Variants in WASHC2C observed in about 807,000 individuals in gnomAD.
WASHC2C encodes WASH complex subunit 2C, also known as Vaccinia Penetration Factor.
In WASHC2C, 73 loss-of-function variants were observed where a neutral mutation model predicts 142.2. That is an observed-to-expected ratio of 0.51 (90% confidence interval 0.43 to 0.62). WASHC2C has a LOEUF of 0.62. Ranked by LOEUF, WASHC2C falls within the 20% of genes least tolerant of loss-of-function variation. The probability of loss-of-function intolerance (pLI) is 0.00; values close to 1 mark genes in which losing one functional copy is unlikely to be tolerated. For synonymous variants in WASHC2C, 337 were observed against 565.5 expected (o/e 0.60, Z 5.73); for missense variants, 969 against 1,531.7 (o/e 0.63, Z 6.13).
intron 3 of WASHC2C, among the ~76,000 whole-genome samples, chr10:45,729,856 T>C (rs1303607607): frequency 6.6e-6 from 1 of 151,874 alleles, no homozygotes; most frequent in Non-Finnish European, 1.5e-5. Context: ...GCCCAAGATT[T>C]AGAATAGTTA....
At chr10:45,784,071 A>G (rs1350190305) in intron 23 of WASHC2C, among the ~76,000 whole-genome samples, 2 of 151,788 alleles carry the variant, frequency 1.3e-5, no homozygotes, top group Non-Finnish European at 2.9e-5. Context: ...TCCCTTTGGA[A>G]ATGAGATGAA....
Position 45,792,339 on chromosome 10 carries a change from G to C in WASHC2C, c.3965G>C (p.Arg1322Thr). Residue 1322 changes from arginine (R) to threonine (T), a missense_variant, in exon 31 of 31, where the codon AGA becomes ACA. Physicochemically the swap from Arg to Thr is moderately conservative, Grantham distance 71 (BLOSUM62 -1). Transcript: ENST00000623400. Reference sequence around the variant, plus strand: ...TCTGCACAGGCCGCACCTGAACCAAGATTTGAACACAAGGTGTCCAACATC... The same window carrying C: ...TCTGCACAGGCCGCACCTGAACCAACATTTGAACACAAGGTGTCCAACATC... ...SRSAQAAPEPRFEHKVSNIFD... is the reference protein window; with the variant it reads ...SRSAQAAPEPTFEHKVSNIFD... 1 of 1,565,448 alleles carries C rather than the reference G, an allele frequency of 6.4e-7. No individual in the cohort carries two copies. The highest frequency in any genetic ancestry group is 2.2e-5 in the East Asian group (1 of 44,704).
intron 8 of WASHC2C, among the ~76,000 whole-genome samples, chr10:45,748,915 C>T (rs1390427055): frequency 6.6e-6 from 1 of 152,154 alleles, no homozygotes; most frequent in African/African-American, 2.4e-5. Context: ...AAGTCTGTTT[C>T]TTTGCTTTTA....
At chr10:45,732,839 CAGAT>C (rs1382936794) in intron 3 of WASHC2C, among the ~76,000 whole-genome samples, 4 of 152,252 alleles carry the variant, frequency 2.6e-5, no homozygotes, top group Non-Finnish European at 5.9e-5. Flanking sequence ...ATTGAAGAAA[CAGAT>C]GGAGTTGCTG....
chr10:45,727,353 G>T, intron 1 of WASHC2C, 33 bp downstream of exon 1: 1 of 1,600,192 alleles, frequency 6.2e-7, no homozygotes. Flanking sequence ...GGGCCGGCCT[G>T]GGCTGGGGCC....
rs2051822183 is a variant in WASHC2C at position 45,740,123 on chromosome 10, G to C, written c.405G>C (p.Glu135Asp). The C allele has an allele frequency of 1.7e-6, 1 of 588,300 alleles. No homozygotes were observed. Among genetic ancestry groups the C allele is most frequent in the Non-Finnish European group, 2.9e-6 (1 of 350,520 alleles). The allele number at this position is 588,300 out of a possible 1,614,324, so 36.4% of individuals were successfully genotyped here. The change falls in exon 5 of 31, where the codon GAG becomes GAC. Residue 135 changes from glutamate (E) to aspartate (D), a missense_variant. Glu to Asp is a conservative substitution (Grantham distance 45). Transcript: ENST00000623400. ...KEVDLIPKVQ[E>D]AVNYGLQVLD... is the part of the protein sequence containing the mutation. Reference sequence around the variant, plus strand: ...TAGATCTCATTCCTAAAGTCCAGGAGGCTGTGAACTATGGCTTACAAGTAT... The same window carrying C: ...TAGATCTCATTCCTAAAGTCCAGGACGCTGTGAACTATGGCTTACAAGTAT...
chr10:45,749,857 T>TATATATATTTATATTTA (rs2053367253), intron 8 of WASHC2C, among the ~76,000 whole-genome samples: 3 of 88,810 alleles, frequency 3.4e-5, no homozygotes, highest in Non-Finnish European at 6.9e-5. Context: ...ATATATATAT[T>TATATATATTTATATTTA]TATATATATA....
chr10:45,762,093 A>C (rs1387928586), intron 17 of WASHC2C, among the ~76,000 whole-genome samples: 1 of 150,562 alleles, frequency 6.6e-6, no homozygotes, highest in East Asian at 1.9e-4. Context: ...ATTGAAGTTT[A>C]TCTTCCCAAG....
intron 3 of WASHC2C, among the ~76,000 whole-genome samples, chr10:45,735,889 C>T (rs547015302): frequency 1.1e-4 from 16 of 152,232 alleles, no homozygotes; most frequent in African/African-American, 3.9e-4. Flanking sequence ...TGCATAGAAT[C>T]TGGGAATGAC....
At chr10:45,742,776 T>C (rs1160071155) in intron 5 of WASHC2C, among the ~76,000 whole-genome samples, 10 of 152,030 alleles carry the variant, frequency 6.6e-5, no homozygotes, top group African/African-American at 9.7e-5. Flanking sequence ...TTGCTGCTGA[T>C]AGACTTTTGG....
intron 5 of WASHC2C, among the ~76,000 whole-genome samples, chr10:45,743,015 C>T (rs1554869041): frequency 1.3e-5 from 2 of 151,614 alleles, no homozygotes; most frequent in Non-Finnish European, 2.9e-5. Flanking sequence ...GCTAGGATGA[C>T]AGTTACCCGC....
rs570294943 is a variant in WASHC2C, at chr10:45,761,089, G to A, written c.1635+1688G>A. On this transcript the variant is annotated intron_variant, in intron 17 of 30. Transcript: ENST00000623400. ...CCATAGTTTTGTTGTCTCACAGTTC[G>A]AGAGGTTGACTGGGCTTAGCTAGGC... Among the ~76,000 whole-genome samples the A allele has an allele frequency of 8.6e-5, 13 of 151,974 alleles. No individual in the cohort carries two copies. In the South Asian group the frequency reaches 1.5e-3, roughly 17 times the overall value.
intron 30 of WASHC2C, among the ~76,000 whole-genome samples, chr10:45,790,843 G>C (rs1248969601): frequency 6.6e-6 from 1 of 152,196 alleles, no homozygotes; most frequent in Admixed American, 6.5e-5. Flanking sequence ...AAGGAGGTTT[G>C]ATCAGAAATG....
rs2049982846 is a variant in WASHC2C at position 45,727,414 on chromosome 10, C to T, written c.4-3C>T. On this transcript the variant is annotated splice_polypyrimidine_tract_variant and splice_region_variant and intron_variant, in intron 1 of 30. Coordinates refer to ENST00000623400, the MANE Select transcript of WASHC2C (RefSeq NM_001330074.2). ...GCCTCTCTTCTCGTTTTTTTCGCTG[C>T]AGATGAACCGGACGACCCCCGACCA... is the stretch of plus-strand genomic sequence containing the variant. 6.2e-7 allele frequency: 1 copy of T among 1,611,184 alleles called. No individual in the cohort carries two copies. The highest frequency in any genetic ancestry group is 8.5e-7 in the Non-Finnish European group (1 of 1,179,464).
At chr10:45,757,737 G>T (rs1375407578) in intron 16 of WASHC2C, among the ~76,000 whole-genome samples, 1 of 152,154 alleles carries the variant, frequency 6.6e-6, no homozygotes, top group Non-Finnish European at 1.5e-5. Flanking sequence ...TATAAGGAGA[G>T]TGCAACCTGC....
intron 15 of WASHC2C, among the ~76,000 whole-genome samples, chr10:45,755,615 T>G (rs1340763538): frequency 6.6e-6 from 1 of 152,304 alleles, no homozygotes; most frequent in Non-Finnish European, 1.5e-5. Flanking sequence ...TCCTATGTCC[T>G]GAAGTCATTC....
intron 19 of WASHC2C, among the ~76,000 whole-genome samples, chr10:45,767,054 G>A (rs542812357): frequency 4.1e-4 from 62 of 151,882 alleles, no homozygotes; most frequent in African/African-American, 1.4e-3. Context: ...ATCACTTGAG[G>A]TTGGGAGTTC....
intron 3 of WASHC2C, among the ~76,000 whole-genome samples, chr10:45,735,864 A>C (rs1338133290): frequency 4.6e-5 from 7 of 152,192 alleles, no homozygotes; most frequent in African/African-American, 1.7e-4. Flanking sequence ...AGTGACAGGG[A>C]ATTCTACGCA....
chr10:45,740,979 C>T (rs1316464496), intron 5 of WASHC2C, among the ~76,000 whole-genome samples: 2 of 151,164 alleles, frequency 1.3e-5, no homozygotes, highest in East Asian at 3.9e-4. Flanking sequence ...GACGGAGTTT[C>T]ACTCTGTCCT....
Sources: gnomAD v4.1 joint callset for allele counts (sites outside exome capture counted in the v4.1 genomes callset) on GRCh38, gnomAD v4.1.1 for gene constraint, MANE v1.5 for transcripts, NCBI Gene and HGNC (gene_info 2026-07-23, HGNC 2026-07-21) for gene names.